The following FRMD6 variants were observed in gnomAD, a reference collection of about 807,000 sequenced individuals.
FRMD6 encodes the protein FERM domain-containing protein 6.
In FRMD6, 37 loss-of-function variants were observed where a neutral mutation model predicts 73.2. The observed-to-expected ratio is 0.51, with a 90% CI of 0.39 to 0.66. FRMD6 has a LOEUF of 0.66. FRMD6 is among the 30% of genes least tolerant of loss of function. The pLI is 0.00. For missense variants in FRMD6, 714 were observed against 780.5 expected (o/e 0.91, Z 1.02); for synonymous variants, 273 against 282.2 (o/e 0.97, Z 0.33).
chr14:51,704,978 C>A (rs1237243284), intron 6 of FRMD6, 43 bp downstream of exon 6: 6 of 1,546,794 alleles, frequency 3.9e-6, no homozygotes, highest in Non-Finnish European at 5.3e-6. Context: ...TTCTCTCGGG[C>A]ATTTCTAGTT....
In FRMD6 at chr14:51,541,606, G is replaced by A. The variant is rs540521008; in HGVS notation, c.-209-28742G>A. ...TGGCTGTGTACGGATGTAAGAAAAG[G>A]TTAAGGGAGACCCATTGTTAGGATG... On this transcript the variant is annotated intron_variant, in intron 1 of 14. Transcript: ENST00000356218. Among the ~76,000 whole-genome samples the A allele has an allele frequency of 6.4e-4, 98 of 152,180 alleles. No individual in the cohort carries two copies. In the South Asian group the frequency reaches 0.015, roughly 24 times the overall value.
At chr14:51,725,727 G>C (rs1594791807) in intron 12 of FRMD6, 52 bp from the exon 13 acceptor site, 2 of 1,259,362 alleles carry the variant, frequency 1.6e-6, no homozygotes, top group South Asian at 2.4e-5. Context: ...TATGGCAAGA[G>C]GTGTGAATAA....
intron 1 of FRMD6, among the ~76,000 whole-genome samples, chr14:51,493,293 C>T (rs992946186): frequency 6.6e-6 from 1 of 152,168 alleles, no homozygotes; most frequent in East Asian, 1.9e-4. Context: ...ATTTCATAGA[C>T]ACAGGCTGAT....
At chr14:51,503,169 C>T (rs1375687008) in intron 1 of FRMD6, among the ~76,000 whole-genome samples, 1 of 152,144 alleles carries the variant, frequency 6.6e-6, no homozygotes, top group Non-Finnish European at 1.5e-5. Flanking sequence ...TCCTCTCTTC[C>T]TATTTGAATA....
At chr14:51,588,845 A>G (rs1889208987) in intron 2 of FRMD6, among the ~76,000 whole-genome samples, 1 of 152,210 alleles carries the variant, frequency 6.6e-6, no homozygotes, top group African/African-American at 2.4e-5. Context: ...AAGGAAACTC[A>G]AAGTCTCATG....
At chr14:51,533,200 T>C (rs1596549857) in intron 1 of FRMD6, among the ~76,000 whole-genome samples, 1 of 152,202 alleles carries the variant, frequency 6.6e-6, no homozygotes, top group African/African-American at 2.4e-5. Context: ...AGCCAAGACC[T>C]ACTTAGGTTT....
chr14:51,416,312 A>C, the FRMD6 span, among the ~76,000 whole-genome samples: 1 of 152,216 alleles, frequency 6.6e-6, no homozygotes, highest in African/African-American at 2.4e-5. Context: ...TTCCCTCTAC[A>C]CACTGCTTTA....
At chr14:51,548,603 A>G (rs921488195) in intron 1 of FRMD6, among the ~76,000 whole-genome samples, 1 of 152,236 alleles carries the variant, frequency 6.6e-6, no homozygotes, top group Non-Finnish European at 1.5e-5. Flanking sequence ...TGTGAAATAG[A>G]AAAATAATTG....
chr14:51,595,358 A>G (rs893090824), intron 2 of FRMD6, among the ~76,000 whole-genome samples: 7 of 152,222 alleles, frequency 4.6e-5, no homozygotes, highest in African/African-American at 1.7e-4. Flanking sequence ...ATTATTCTAC[A>G]AAACACTTTA....
intron 1 of FRMD6, among the ~76,000 whole-genome samples, chr14:51,682,988 C>G (rs1355982681): frequency 2.0e-5 from 3 of 152,148 alleles, no homozygotes; most frequent in African/African-American, 7.2e-5. Context: ...AAACAGATGT[C>G]CTCTACCTTC....
chr14:51,396,850 C>T, the FRMD6 span: 9 of 152,214 alleles, frequency 5.9e-5, no homozygotes, highest in African/African-American at 2.2e-4. Context: ...TTAGCCAGAA[C>T]AACCTCCTTT....
Position 51,720,237 on chromosome 14 carries a change from C to G in FRMD6, c.1207C>G (p.Pro403Ala), listed in dbSNP as rs1897468983. 1 of 1,613,986 alleles carries G rather than the reference C, an allele frequency of 6.2e-7. No individual in the cohort carries two copies. Among genetic ancestry groups the G allele is most frequent in the Non-Finnish European group, 8.5e-7 (1 of 1,179,946 alleles). Residue 403 changes from proline (P) to alanine (A), a missense_variant, in exon 11 of 14, where the codon CCC becomes GCC. Pro to Ala is a conservative substitution (Grantham distance 27). Transcript: ENST00000344768. Reference protein sequence around the residue: ...HTSGIEADTKPRDTGPEDSYS... With the variant: ...HTSGIEADTKARDTGPEDSYS... ...CTCGGGCATTGAGGCAGACACCAAG[C>G]CCCGGGACACGGGGCCAGAAGACAG...
upstream of FRMD6, among the ~76,000 whole-genome samples, chr14:51,486,936 G>GTTTTTT (rs5808614): frequency 6.8e-6 from 1 of 146,340 alleles, no homozygotes; most frequent in Non-Finnish European, 1.5e-5. Context: ...GTATAAAACC[G>GTTTTTT]TTTTTTTTTT....
chr14:51,668,746 A>C (rs1057107006), intron 1 of FRMD6, among the ~76,000 whole-genome samples: 19 of 151,684 alleles, frequency 1.3e-4, no homozygotes, highest in African/African-American at 3.9e-4. Context: ...GGCTCTCTGC[A>C]ACCTCTTGTC....
intron 1 of FRMD6, among the ~76,000 whole-genome samples, chr14:51,494,955 G>T (rs1382913075): frequency 2.0e-5 from 3 of 152,196 alleles, no homozygotes; most frequent in African/African-American, 7.2e-5. Context: ...GATAAGCTGA[G>T]AATTTTCTAA....
At chr14:51,525,468 C>T (rs113751331) in intron 1 of FRMD6, among the ~76,000 whole-genome samples, 74 of 152,060 alleles carry the variant, frequency 4.9e-4, no homozygotes, top group African/African-American at 1.8e-3. Context: ...GGGGTTTCAC[C>T]ATGTTGGCCA....
chr14:51,675,956 T>TA (rs1474748760), intron 1 of FRMD6, among the ~76,000 whole-genome samples: 2 of 152,178 alleles, frequency 1.3e-5, no homozygotes, highest in Non-Finnish European at 2.9e-5. Context: ...GGTATCAAGG[T>TA]AAAAGGCAGG....
In FRMD6 at chr14:51,514,702, G is replaced by T. The variant is rs577377133; in HGVS notation, c.-210+25282G>T. On this transcript the variant is annotated intron_variant, in intron 1 of 14. Transcript: ENST00000356218. ...GTCTCTACTAAAAACACAAAAATTAGCTGGGCATGGTGGCGCATACCTGTA... is the reference window on the plus strand; with the variant it reads ...GTCTCTACTAAAAACACAAAAATTATCTGGGCATGGTGGCGCATACCTGTA... Among the ~76,000 whole-genome samples the T allele has an allele frequency of 3.3e-5, 5 of 152,168 alleles. No homozygotes were observed. The East Asian group carries it at 9.7e-4, about 29-fold the overall frequency.
At chr14:51,423,049 A>G in the FRMD6 span, among the ~76,000 whole-genome samples, 1 of 152,162 alleles carries the variant, frequency 6.6e-6, no homozygotes, top group Non-Finnish European at 1.5e-5. Context: ...TGGCTTCCTA[A>G]GTGGTACGGC....
Sources: allele counts gnomAD v4.1 joint callset (sites outside exome capture counted in the v4.1 genomes callset), GRCh38; gene constraint gnomAD v4.1.1; transcripts MANE v1.5; gene names NCBI Gene and HGNC (gene_info 2026-07-23, HGNC 2026-07-21).